TMOD1: variants seen among roughly 807,000 people sequenced by gnomAD.
The protein encoded by TMOD1 is tropomodulin 1.
In TMOD1, 17 loss-of-function variants were observed where a neutral mutation model predicts 40.6. That is an observed-to-expected ratio of 0.42 (90% CI 0.29 to 0.63). The LOEUF (loss-of-function observed/expected upper bound fraction) is 0.63, where lower values mean the gene tolerates loss of function less well. Among genes scored for constraint, TMOD1 ranks in the 20% least tolerant of loss-of-function variants. The pLI is 0.22. For synonymous variants in TMOD1, 181 were observed against 175.0 expected, an observed-to-expected ratio of 1.03 and a Z score of -0.27; for missense variants, 391 against 447.6, an observed-to-expected ratio of 0.87 and a Z score of 1.14.
intron 1 of TMOD1, among the ~76,000 whole-genome samples, chr9:97,506,704 G>A (rs748024311): frequency 5.9e-5 from 9 of 152,252 alleles, no homozygotes; most frequent in Non-Finnish European, 1.2e-4. Context: ...ATGGGACAGT[G>A]AACCCTAGTA....
intron 2 of TMOD1, among the ~76,000 whole-genome samples, chr9:97,538,704 A>G (rs1328886281): frequency 6.6e-6 from 1 of 151,970 alleles, no homozygotes; most frequent in African/African-American, 2.4e-5. Context: ...TGTAATTAAG[A>G]TTTTTCTCTA....
chr9:97,566,080 T>C (rs984089202), intron 7 of TMOD1, 125 bp downstream of exon 7: 17 of 759,578 alleles, frequency 2.2e-5, no homozygotes, highest in East Asian at 5.6e-5. Context: ...GTGGAAGGCA[T>C]TGGACCAGGA....
intron 8 of TMOD1, among the ~76,000 whole-genome samples, chr9:97,588,265 G>C (rs1025821163): frequency 2.0e-5 from 3 of 152,130 alleles, no homozygotes; most frequent in Admixed American, 6.5e-5. Flanking sequence ...ACTTGTTACT[G>C]TCTGTCTTTT....
chr9:97,508,342 C>T (rs1829630925), intron 1 of TMOD1, among the ~76,000 whole-genome samples: 1 of 152,090 alleles, frequency 6.6e-6, no homozygotes, highest in South Asian at 2.1e-4. Flanking sequence ...GTGCACACCA[C>T]CACACCTGGC....
chr9:97,533,986 A>G (rs1830141228), intron 2 of TMOD1, among the ~76,000 whole-genome samples: 2 of 152,194 alleles, frequency 1.3e-5, no homozygotes, highest in South Asian at 4.1e-4. Flanking sequence ...CCCTATAGCC[A>G]TAATAGCCAC....
intron 2 of TMOD1, among the ~76,000 whole-genome samples, chr9:97,532,765 T>C (rs961408685): frequency 6.6e-6 from 1 of 152,170 alleles, no homozygotes; most frequent in Non-Finnish European, 1.5e-5. Context: ...GTGACCTACA[T>C]GAAGGAAGGA....
intron 9 of TMOD1, among the ~76,000 whole-genome samples, chr9:97,592,147 C>T (rs1826016157): frequency 6.6e-6 from 1 of 152,102 alleles, no homozygotes; most frequent in South Asian, 2.1e-4. Flanking sequence ...CATGATCTTA[C>T]TTGCAGATGC....
At chr9:97,553,520 G>A in intron 4 of TMOD1, 120 bp downstream of exon 4, 2 of 1,357,228 alleles carry the variant, frequency 1.5e-6, no homozygotes, top group Non-Finnish European at 2.0e-6. Flanking sequence ...AGAACTAGAG[G>A]AGACCGAGAG....
Position 97,594,628 on chromosome 9 carries a change from A to G in TMOD1, c.1015+3193A>G, listed in dbSNP as rs534908054. Among the ~76,000 whole-genome samples the G allele has an allele frequency of 2.0e-4, 31 of 152,282 alleles. 1 individual carries two copies. In the South Asian group the frequency reaches 6.4e-3, roughly 32 times the overall value. On this transcript the variant is annotated intron_variant, in intron 9 of 9. Transcript: ENST00000259365. ...TGGGGGACATTGAGTCCCCAAGGCT[A>G]TGAGGACAGCGACTGGCTCTGCAGA...
chr9:97,559,794 A>AAAATATAT (rs1390791825), intron 4 of TMOD1, among the ~76,000 whole-genome samples: 61 of 23,118 alleles, frequency 2.6e-3, no homozygotes, highest in African/African-American at 4.3e-3. Flanking sequence ...AAAAAAAAAA[A>AAAATATAT]ATATATATAT....
rs187602864 is a variant in TMOD1 at position 97,595,822 on chromosome 9, C to T, written c.1016-3812C>T. 2.0e-3 allele frequency among the ~76,000 whole-genome samples: 299 copies of T among 152,212 alleles called. 1 individual carries two copies. The highest frequency in any genetic ancestry group is 6.7e-3 in the African/African-American group (280 of 41,514). ...GTACGGTGGCTCACACCTGTAATCC[C>T]AGCACTTTGGGAGGCCGAGGCAGGC... On this transcript the variant is annotated intron_variant, in intron 9 of 9. Transcript: ENST00000259365.
intron 2 of TMOD1, among the ~76,000 whole-genome samples, chr9:97,538,214 A>T: frequency 6.6e-6 from 1 of 152,184 alleles, no homozygotes; most frequent in East Asian, 1.9e-4. Flanking sequence ...CTCCTCCTTA[A>T]AACCTGCGCT....
chr9:97,538,085 G>T (rs559944054), intron 2 of TMOD1, among the ~76,000 whole-genome samples: 1 of 152,156 alleles, frequency 6.6e-6, no homozygotes, highest in African/African-American at 2.4e-5. Flanking sequence ...TCAACAGTCC[G>T]CTGGAGCTGG....
chr9:97,562,792 G>A lies in TMOD1; in HGVS notation c.458G>A (p.Ser153Asn). Residue 153 changes from serine to asparagine, a missense_variant, in exon 5 of 10, where the codon AGC becomes AAC. Physicochemically the swap from Ser to Asn is conservative, Grantham distance 46. Coordinates refer to ENST00000259365, the MANE Select transcript of TMOD1 (RefSeq NM_003275.4). ...NQQYYQALSS[S>N]SIMNKEGLNS... ...CAGTACTACCAGGCCCTGAGCAGCA[G>A]CTCCATCATGAACAAGGAGGGGCTC... The A allele has an allele frequency of 6.3e-7, 1 of 1,585,886 alleles. No homozygotes were observed. The highest frequency in any genetic ancestry group is 8.5e-7 in the Non-Finnish European group (1 of 1,169,626).
intron 1 of TMOD1, among the ~76,000 whole-genome samples, chr9:97,512,528 A>C (rs1183804219): frequency 6.6e-6 from 1 of 152,168 alleles, no homozygotes; most frequent in Admixed American, 6.5e-5. Flanking sequence ...AGAGTAAATA[A>C]ATAAATTATG....
chr9:97,501,647 C>T (rs1191949381), upstream of TMOD1: 11 of 148,764 alleles, frequency 7.4e-5, no homozygotes, highest in South Asian at 1.6e-3. Flanking sequence ...ACAGCTCCCG[C>T]CCGCCCGCGG....
intron 4 of TMOD1, among the ~76,000 whole-genome samples, chr9:97,561,608 G>A (rs1195220765): frequency 6.6e-6 from 1 of 152,192 alleles, no homozygotes; most frequent in Non-Finnish European, 1.5e-5. Context: ...CCATGCGTCT[G>A]ATTATTACCG....
intron 4 of TMOD1, chr9:97,555,717 T>C: frequency 6.5e-7 from 1 of 1,538,078 alleles, no homozygotes; most frequent in Non-Finnish European, 8.8e-7. Context: ...TCTATGTGAG[T>C]TGCTCTCAAG....
chr9:97,547,312 A>G (rs966683881), intron 3 of TMOD1, among the ~76,000 whole-genome samples: 40 of 151,556 alleles, frequency 2.6e-4, no homozygotes, highest in Non-Finnish European at 2.9e-5. Flanking sequence ...CTATGCCTGG[A>G]GTGCTGGTCC....
Sources: gnomAD v4.1 joint callset for allele counts (sites outside exome capture counted in the v4.1 genomes callset) on GRCh38, gnomAD v4.1.1 for gene constraint, MANE v1.5 for transcripts, NCBI Gene and HGNC (gene_info 2026-07-23, HGNC 2026-07-21) for gene names.